The following CPNE4 variants were observed in gnomAD, a reference collection of about 807,000 sequenced individuals.
CPNE4 encodes the protein copine 4.
CPNE4 carries 25 observed loss-of-function variants against 67.9 expected under a neutral mutation model. That is an observed-to-expected ratio of 0.37 (90% CI 0.27 to 0.51). The LOEUF (loss-of-function observed/expected upper bound fraction) is 0.51. CPNE4 is among the 20% of genes least tolerant of loss of function. The pLI is 0.93. For missense variants in CPNE4, 464 were observed against 690.8 expected, an observed-to-expected ratio of 0.67 and a Z score of 3.68; for synonymous variants, 242 against 244.9, an observed-to-expected ratio of 0.99 and a Z score of 0.11.
At chr3:131,614,173 C>A (rs60310723) in intron 7 of CPNE4, among the ~76,000 whole-genome samples, 8,096 of 152,186 alleles carry the variant, frequency 0.053, 704 homozygotes, top group African/African-American at 0.18. Flanking sequence ...GGTATAGAAT[C>A]CATTCTGCAC....
chr3:131,770,293 G>C (rs16837815), intron 2 of CPNE4, among the ~76,000 whole-genome samples: 8,147 of 152,286 alleles, frequency 0.053, 351 homozygotes, highest in African/African-American at 0.12. Context: ...CACCCCTTCT[G>C]AGAAGACAAC....
At chr3:131,830,692 C>T (rs1011143658) in intron 2 of CPNE4, among the ~76,000 whole-genome samples, 10 of 152,056 alleles carry the variant, frequency 6.6e-5, no homozygotes, top group African/African-American at 2.4e-4. Context: ...ATTCTTTTTA[C>T]TACTTATTAT....
intron 2 of CPNE4, among the ~76,000 whole-genome samples, chr3:131,890,942 A>G (rs935712422): frequency 1.3e-5 from 2 of 152,138 alleles, no homozygotes; most frequent in African/African-American, 4.8e-5. Flanking sequence ...CCCAGGGATG[A>G]GGAGGGGGCA....
intron 3 of CPNE4, among the ~76,000 whole-genome samples, chr3:131,700,572 T>C (rs1237008092): frequency 6.6e-6 from 1 of 152,208 alleles, no homozygotes; most frequent in Non-Finnish European, 1.5e-5. Context: ...CTGAAAGCTA[T>C]TCCTAGCAGA....
At chr3:131,764,421 G>A (rs921823175) in intron 2 of CPNE4, among the ~76,000 whole-genome samples, 9 of 151,892 alleles carry the variant, frequency 5.9e-5, no homozygotes, top group Non-Finnish European at 7.4e-5. Flanking sequence ...TCTAATTATT[G>A]TTATGAAGAA....
rs776611974 is a variant in CPNE4, at chr3:131,982,050, C to T, written c.-2+52517G>A. Reference sequence around the variant, plus strand: ...AACTCACAATATGAGCCCCCGCACACTGCTCTGTCCAGAGCTGCAATCTAG... The same window carrying T: ...AACTCACAATATGAGCCCCCGCACATTGCTCTGTCCAGAGCTGCAATCTAG... On this transcript the variant is annotated intron_variant, in intron 1 of 15. Coordinates refer to ENST00000429747, the MANE Select transcript of CPNE4 (RefSeq NM_130808.3). Among the ~76,000 whole-genome samples, 15 of 152,186 alleles carry T rather than the reference C, an allele frequency of 9.9e-5. 1 individual carries two copies. The highest frequency in any genetic ancestry group is 2.6e-4 in the Admixed American group (4 of 15,272).
chr3:131,972,925 C>G (rs2107620365), intron 1 of CPNE4, among the ~76,000 whole-genome samples: 1 of 152,298 alleles, frequency 6.6e-6, no homozygotes, highest in South Asian at 2.1e-4. Flanking sequence ...GGTTTTACTC[C>G]TAATCTTTCT....
At chr3:131,876,882 C>T (rs4444755) in intron 2 of CPNE4, among the ~76,000 whole-genome samples, 3 of 151,870 alleles carry the variant, frequency 2.0e-5, no homozygotes, top group Non-Finnish European at 4.4e-5. Flanking sequence ...CCAGCACCAG[C>T]ACAGGGAATT....
chr3:131,877,993 G>A (rs1430073814), intron 2 of CPNE4, among the ~76,000 whole-genome samples: 1 of 152,198 alleles, frequency 6.6e-6, no homozygotes, highest in Non-Finnish European at 1.5e-5. Flanking sequence ...AAATGTTGGG[G>A]AAGATGTGGA....
At chr3:131,635,557 TTTCAAGTACTCAA>T (rs1175419173) in intron 7 of CPNE4, among the ~76,000 whole-genome samples, 3 of 152,232 alleles carry the variant, frequency 2.0e-5, no homozygotes, top group Non-Finnish European at 4.4e-5. Flanking sequence ...ACTAGCCATA[TTTCAAGTACTCAA>T]TAGCAACACA....
At chr3:131,565,312 G>A (rs1438913975) in intron 10 of CPNE4, among the ~76,000 whole-genome samples, 1 of 151,996 alleles carries the variant, frequency 6.6e-6, no homozygotes, top group East Asian at 1.9e-4. Context: ...ATTTCCTTCT[G>A]GGGTAGAGTA....
chr3:131,790,947 C>A (rs2107879336), intron 2 of CPNE4, among the ~76,000 whole-genome samples: 1 of 151,594 alleles, frequency 6.6e-6, no homozygotes, highest in African/African-American at 2.4e-5. Flanking sequence ...TAATCTTTAC[C>A]AAAAAAAATT....
intron 6 of CPNE4, among the ~76,000 whole-genome samples, chr3:131,682,232 T>C (rs1326139728): frequency 6.8e-6 from 1 of 148,050 alleles, no homozygotes; most frequent in Non-Finnish European, 1.5e-5. Flanking sequence ...ATTTATATAT[T>C]TACTGTAGTC....
intron 2 of CPNE4, among the ~76,000 whole-genome samples, chr3:131,868,606 T>C (rs1415988971): frequency 6.6e-6 from 1 of 152,198 alleles, no homozygotes; most frequent in Non-Finnish European, 1.5e-5. Flanking sequence ...ACTGACACAA[T>C]TATAGAAATT....
chr3:131,772,827 A>G (rs2083201315), intron 2 of CPNE4, among the ~76,000 whole-genome samples: 1 of 152,172 alleles, frequency 6.6e-6, no homozygotes, highest in African/African-American at 2.4e-5. Context: ...GCCTGGACAT[A>G]GAGCTGCCCA....
At chr3:131,846,024 A>G (rs1316083063) in intron 2 of CPNE4, among the ~76,000 whole-genome samples, 1 of 152,226 alleles carries the variant, frequency 6.6e-6, no homozygotes, top group African/African-American at 2.4e-5. Context: ...TTAAAGCCTG[A>G]TAGCATAGAG....
chr3:131,708,149 T>C (rs2081460224), intron 3 of CPNE4, among the ~76,000 whole-genome samples: 1 of 152,100 alleles, frequency 6.6e-6, no homozygotes. Flanking sequence ...TTTGAGACAC[T>C]GAATTGATGG....
chr3:131,903,882 C>T (rs1051239402), intron 2 of CPNE4, among the ~76,000 whole-genome samples: 3 of 152,086 alleles, frequency 2.0e-5, no homozygotes, highest in African/African-American at 7.2e-5. Context: ...AGAAACATCT[C>T]GCCAAGTGTA....
At chr3:131,605,317 G>T (rs937754899) in intron 7 of CPNE4, among the ~76,000 whole-genome samples, 2 of 151,700 alleles carry the variant, frequency 1.3e-5, no homozygotes, top group South Asian at 2.1e-4. Context: ...TGTTACATGG[G>T]GTATGAATGA....
Sources: gnomAD v4.1 joint callset for allele counts (sites outside exome capture counted in the v4.1 genomes callset) on GRCh38, gnomAD v4.1.1 for gene constraint, MANE v1.5 for transcripts, NCBI Gene and HGNC (gene_info 2026-07-23, HGNC 2026-07-21) for gene names.